The following ZNF407 variants were observed in gnomAD, a reference collection of about 807,000 sequenced individuals.
ZNF407 encodes zinc finger protein 407.
Under a neutral mutation model 131.2 loss-of-function variants are expected in ZNF407, and 17 were observed. The observed-to-expected ratio is 0.13, with a 90% CI of 0.09 to 0.19. The LOEUF (loss-of-function observed/expected upper bound fraction) is 0.19, where lower values mean the gene tolerates loss of function less well. ZNF407 is among the 10% of genes least tolerant of loss of function. The probability of loss-of-function intolerance (pLI) is 1.00; values close to 1 mark genes in which losing one functional copy is unlikely to be tolerated. For synonymous variants in ZNF407, 1,156 were observed against 1,062.0 expected (o/e 1.09, Z -1.72); for missense variants, 2,681 against 2,830.6 (o/e 0.95, Z 1.20).
At chr18:74,909,725 T>C (rs1012719392) in intron 7 of ZNF407, among the ~76,000 whole-genome samples, 1 of 152,080 alleles carries the variant, frequency 6.6e-6, no homozygotes, top group African/African-American at 2.4e-5. Context: ...TGGAGAAGGG[T>C]TTTATAAACC....
At chr18:74,622,966 G>T (rs1983597638) in intron 1 of ZNF407, among the ~76,000 whole-genome samples, 1 of 152,112 alleles carries the variant, frequency 6.6e-6, no homozygotes, top group African/African-American at 2.4e-5. Flanking sequence ...GTGTATCTGA[G>T]TGCGTGTGTC....
intron 3 of ZNF407, among the ~76,000 whole-genome samples, chr18:74,747,428 T>C (rs1490514221): frequency 2.0e-5 from 3 of 152,146 alleles, no homozygotes; most frequent in African/African-American, 4.8e-5. Context: ...CTTGACTTGG[T>C]TGATTTATGG....
intron 3 of ZNF407, among the ~76,000 whole-genome samples, chr18:74,745,877 T>C (rs1429287842): frequency 3.9e-5 from 6 of 152,198 alleles, no homozygotes; most frequent in Non-Finnish European, 7.3e-5. Flanking sequence ...TTGCTCACTC[T>C]GTCTGTGTAT....
intron 4 of ZNF407, among the ~76,000 whole-genome samples, chr18:74,815,723 A>G (rs1280953844): frequency 3.3e-5 from 5 of 152,206 alleles, no homozygotes; most frequent in Non-Finnish European, 7.3e-5. Context: ...GATTCGAAGT[A>G]AATCAGTCTC....
chr18:74,996,270 GA>G (rs1479951871), intron 8 of ZNF407, among the ~76,000 whole-genome samples: 4 of 152,080 alleles, frequency 2.6e-5, no homozygotes. Context: ...GCTGTAAAAT[GA>G]TGACTCTGGC....
chr18:74,710,123 G>A (rs1967722693), intron 3 of ZNF407, among the ~76,000 whole-genome samples: 2 of 152,080 alleles, frequency 1.3e-5, no homozygotes, highest in South Asian at 2.1e-4. Context: ...TTTTAACCCG[G>A]TTTTGAATGA....
chr18:75,032,181 A>G (rs140174469), intron 8 of ZNF407, among the ~76,000 whole-genome samples: 58 of 152,256 alleles, frequency 3.8e-4, no homozygotes, highest in Non-Finnish European at 6.5e-4. Flanking sequence ...TCCGTCAAAC[A>G]AGCTTTTCCG....
intron 8 of ZNF407, among the ~76,000 whole-genome samples, chr18:75,059,056 C>T (rs1973594770): frequency 6.6e-6 from 1 of 152,198 alleles, no homozygotes; most frequent in South Asian, 2.1e-4. Flanking sequence ...TGGGCCTGTG[C>T]GTGTGCGGAG....
chr18:75,039,522 G>A (rs1433534144), intron 8 of ZNF407, among the ~76,000 whole-genome samples: 1 of 152,126 alleles, frequency 6.6e-6, no homozygotes, highest in Non-Finnish European at 1.5e-5. Context: ...ATTCAGACAG[G>A]ACCTTGGTCC....
intron 4 of ZNF407, among the ~76,000 whole-genome samples, chr18:74,821,385 A>G (rs1843380601): frequency 6.6e-6 from 1 of 151,856 alleles, no homozygotes; most frequent in South Asian, 2.1e-4. Context: ...CCTGTCACCT[A>G]CATTAGGTAT....
chr18:74,820,675 A>G (rs527789217), intron 4 of ZNF407, among the ~76,000 whole-genome samples: 2 of 152,238 alleles, frequency 1.3e-5, no homozygotes, highest in South Asian at 2.1e-4. Flanking sequence ...ATAAATTCCA[A>G]TGGCTTTAGG....
chr18:74,765,369 G>A (rs530742636), intron 3 of ZNF407, among the ~76,000 whole-genome samples: 1 of 151,926 alleles, frequency 6.6e-6, no homozygotes, highest in Non-Finnish European at 1.5e-5. Flanking sequence ...ATTTTACTTT[G>A]TTGTTTCTGT....
chr18:74,973,771 G>A (rs988540099), intron 8 of ZNF407, among the ~76,000 whole-genome samples: 6 of 152,240 alleles, frequency 3.9e-5, no homozygotes, highest in African/African-American at 1.4e-4. Context: ...AGTTCCAGGC[G>A]TCTCTGCTCC....
At chr18:74,910,989 T>A (rs970147881) in intron 7 of ZNF407, among the ~76,000 whole-genome samples, 7 of 152,160 alleles carry the variant, frequency 4.6e-5, no homozygotes, top group African/African-American at 1.7e-4. Flanking sequence ...TACTCCTGTG[T>A]AGAATTGTAA....
intron 4 of ZNF407, among the ~76,000 whole-genome samples, chr18:74,807,576 A>G (rs576040680): frequency 2.0e-5 from 3 of 152,368 alleles, no homozygotes; most frequent in Admixed American, 6.5e-5. Context: ...GAAGTTGGAC[A>G]GGATATAATT....
At chr18:74,976,868 AACT>A in intron 8 of ZNF407, among the ~76,000 whole-genome samples, 1 of 151,784 alleles carries the variant, frequency 6.6e-6, no homozygotes, top group Non-Finnish European at 1.5e-5. Context: ...TTGGTGGATT[AACT>A]AAATCGAGAA....
At position 74,887,257 on chromosome 18, in the gene ZNF407, A is replaced by G. The variant is rs376019429; in HGVS notation, c.5129-2661A>G. On this transcript the variant is annotated intron_variant, in intron 6 of 8. Transcript: ENST00000299687. ...AGTAAATTTTTGTGTAAGTCATTTC[A>G]GTACAGTTGAGTTGTCTATAGCAAT... 3.3e-5 allele frequency among the ~76,000 whole-genome samples: 5 copies of G among 152,128 alleles called. No individual in the cohort carries two copies. The East Asian group carries it at 7.7e-4, about 23-fold the overall frequency.
At chr18:74,619,920 C>T (rs1172081695) in intron 1 of ZNF407, among the ~76,000 whole-genome samples, 4 of 151,964 alleles carry the variant, frequency 2.6e-5, no homozygotes, top group East Asian at 1.9e-4. Context: ...AAGATACAAA[C>T]GATCCTAGGT....
intron 1 of ZNF407, among the ~76,000 whole-genome samples, chr18:74,621,511 C>T (rs1983509090): frequency 6.6e-6 from 1 of 152,016 alleles, no homozygotes; most frequent in South Asian, 2.1e-4. Context: ...TGGGCAGCAG[C>T]CCCCAGCTCC....
Sources: allele counts gnomAD v4.1 joint callset (sites outside exome capture counted in the v4.1 genomes callset), GRCh38; gene constraint gnomAD v4.1.1; transcripts MANE v1.5; gene names NCBI Gene and HGNC (gene_info 2026-07-23, HGNC 2026-07-21).